The following NAALADL2 variants were observed in gnomAD, a reference collection of about 807,000 sequenced individuals.
The protein encoded by NAALADL2 is inactive N-acetylated-alpha-linked acidic dipeptidase-like protein 2.
NAALADL2 carries 76 observed loss-of-function variants against 87.2 expected under a neutral mutation model. That is an observed-to-expected ratio of 0.87 (90% CI 0.72 to 1.05). The LOEUF (loss-of-function observed/expected upper bound fraction) is 1.05. NAALADL2 is among the 50% of genes least tolerant of loss of function. The pLI is 0.00. For missense variants in NAALADL2, 1,089 were observed against 945.8 expected (o/e 1.15, Z -1.99); for synonymous variants, 354 against 331.0 (o/e 1.07, Z -0.75).
At chr3:174,812,221 A>G (rs757939744) in intron 3 of NAALADL2, among the ~76,000 whole-genome samples, 3 of 152,172 alleles carry the variant, frequency 2.0e-5, no homozygotes, top group Admixed American at 6.5e-5. Context: ...GAGTCTATTT[A>G]TATAGATCTT....
At chr3:174,585,257 A>G (rs1716576847) in intron 2 of NAALADL2, among the ~76,000 whole-genome samples, 1 of 152,172 alleles carries the variant, frequency 6.6e-6, no homozygotes, top group African/African-American at 2.4e-5. Flanking sequence ...GTTGAGAACC[A>G]CTGCATTGGG....
chr3:175,230,370 A>G (rs973750657), intron 2 of NAALADL2, among the ~76,000 whole-genome samples: 1 of 152,222 alleles, frequency 6.6e-6, no homozygotes, highest in Non-Finnish European at 1.5e-5. Flanking sequence ...ATAAAAAGAG[A>G]AGACAAAAAC....
chr3:175,301,316 C>T (rs887314375), intron 4 of NAALADL2, among the ~76,000 whole-genome samples: 2 of 152,110 alleles, frequency 1.3e-5, no homozygotes, highest in Middle Eastern at 3.2e-3. Context: ...AGGAGAAATA[C>T]CTAACGTAGA....
At chr3:175,615,244 A>G (rs1322741503) in intron 10 of NAALADL2, among the ~76,000 whole-genome samples, 1 of 152,198 alleles carries the variant, frequency 6.6e-6, no homozygotes, top group African/African-American at 2.4e-5. Flanking sequence ...AGTGAGTCCT[A>G]TGCTTGCATT....
Position 175,096,919 on chromosome 3 carries a change from A to T in NAALADL2, c.173A>T (p.Glu58Val), listed in dbSNP as rs746698720. 4 of 1,613,382 alleles carry T rather than the reference A, an allele frequency of 2.5e-6. No homozygotes were observed. The highest frequency in any genetic ancestry group is 1.3e-5 in the African/African-American group (1 of 74,880). Residue 58 changes from glutamate (E) to valine (V), a missense_variant, in exon 2 of 14, where the codon GAG (glutamate) becomes GTG (valine). Coordinates refer to ENST00000454872, the MANE Select transcript of NAALADL2 (RefSeq NM_207015.3). ...LEWDMEKELE[E>V]SGFDQFQLDG... ...TGGGACATGGAGAAGGAACTAGAGG[A>T]GTCTGGTTTTGACCAATTCCAGCTA...
At chr3:175,399,453 G>A (rs1770274138) in intron 5 of NAALADL2, among the ~76,000 whole-genome samples, 1 of 152,138 alleles carries the variant, frequency 6.6e-6, no homozygotes, top group South Asian at 2.1e-4. Context: ...AGCCCTGTGG[G>A]CTGCTGGTTG....
chr3:174,522,942 A>G lies in NAALADL2; in HGVS notation c.-183-27627A>G, dbSNP rs1050119208. Among the ~76,000 whole-genome samples the G allele has an allele frequency of 1.9e-3, 279 of 150,294 alleles. 1 individual carries two copies. The highest frequency in any genetic ancestry group is 0.012 in the East Asian group (61 of 5,126). ...GAGCGAGACTCTGTCTCAAAAAAAA[A>G]AAAAAAAAAAAAAAAGAAAAAAAAC... On this transcript the variant is annotated intron_variant, in intron 1 of 3. Transcript: ENST00000434257.
At chr3:175,293,360 A>T (rs1755900401) in intron 4 of NAALADL2, among the ~76,000 whole-genome samples, 1 of 152,052 alleles carries the variant, frequency 6.6e-6, no homozygotes, top group Admixed American at 6.6e-5. Context: ...TTACAAATTT[A>T]TTTTCATGTT....
chr3:174,895,496 G>A (rs1731402616), intron 1 of NAALADL2, among the ~76,000 whole-genome samples: 1 of 151,822 alleles, frequency 6.6e-6, no homozygotes, highest in Non-Finnish European at 1.5e-5. Flanking sequence ...TCCCAAACCT[G>A]AACAGACTCA....
At chr3:174,817,091 G>C (rs1030714985) in intron 3 of NAALADL2, among the ~76,000 whole-genome samples, 6 of 152,134 alleles carry the variant, frequency 3.9e-5, no homozygotes, top group African/African-American at 1.4e-4. Context: ...TACTTTGGTG[G>C]AAGTGTGTGA....
intron 12 of NAALADL2, among the ~76,000 whole-genome samples, chr3:175,746,400 C>T (rs1210829649): frequency 1.3e-5 from 2 of 150,772 alleles, no homozygotes; most frequent in African/African-American, 2.4e-5. Flanking sequence ...GTGAGTTTCC[C>T]AACTAGCAAA....
intron 5 of NAALADL2, among the ~76,000 whole-genome samples, chr3:175,354,206 G>A (rs1485860780): frequency 6.6e-6 from 1 of 152,134 alleles, no homozygotes; most frequent in African/African-American, 2.4e-5. Flanking sequence ...ATGACACCTT[G>A]ATCATGATTG....
intron 1 of NAALADL2, among the ~76,000 whole-genome samples, chr3:175,063,359 CT>C (rs1467634867): frequency 2.0e-5 from 3 of 151,954 alleles, no homozygotes; most frequent in African/African-American, 7.2e-5. Flanking sequence ...TTTTAAACTG[CT>C]AAAAAGCTTG....
intron 10 of NAALADL2, among the ~76,000 whole-genome samples, chr3:175,579,199 TTATC>T (rs67378801): frequency 0.64 from 95,518 of 150,084 alleles, 32,994 homozygotes; most frequent in East Asian, 0.84. Context: ...AGAATTACTA[TTATC>T]TATCTATCTA....
intron 2 of NAALADL2, among the ~76,000 whole-genome samples, chr3:174,699,242 A>G (rs993105679): frequency 1.3e-5 from 2 of 152,150 alleles, no homozygotes; most frequent in African/African-American, 4.8e-5. Context: ...TCATGCCTGT[A>G]ATCCCGGCAT....
intron 10 of NAALADL2, among the ~76,000 whole-genome samples, chr3:175,623,164 A>T (rs1406281755): frequency 2.0e-5 from 3 of 152,000 alleles, no homozygotes; most frequent in Admixed American, 2.0e-4. Context: ...AAAATGCATA[A>T]ATCTTAATTT....
intron 2 of NAALADL2, among the ~76,000 whole-genome samples, chr3:175,145,278 C>T (rs1045080491): frequency 1.3e-5 from 2 of 152,026 alleles, no homozygotes; most frequent in East Asian, 3.9e-4. Context: ...GGTATCACTT[C>T]CTTTAGCTCT....
chr3:174,998,261 G>A (rs1004873124), intron 1 of NAALADL2, among the ~76,000 whole-genome samples: 1 of 152,204 alleles, frequency 6.6e-6, no homozygotes, highest in Non-Finnish European at 1.5e-5. Flanking sequence ...TAGGGAAACT[G>A]AGGCAGCCAA....
intron 2 of NAALADL2, among the ~76,000 whole-genome samples, chr3:174,607,756 A>G (rs1226744297): frequency 6.6e-6 from 1 of 152,136 alleles, no homozygotes; most frequent in African/African-American, 2.4e-5. Context: ...AGACAGATCA[A>G]CGAGACAGAA....
Sources: allele counts gnomAD v4.1 joint callset (sites outside exome capture counted in the v4.1 genomes callset), GRCh38; gene constraint gnomAD v4.1.1; transcripts MANE v1.5; gene names NCBI Gene and HGNC (gene_info 2026-07-23, HGNC 2026-07-21).